The following TMEM45B variants were observed in gnomAD, a reference collection of about 807,000 sequenced individuals.
TMEM45B encodes transmembrane protein 45B.
A neutral mutation model predicts 27.3 loss-of-function variants in TMEM45B; 29 were observed. The observed-to-expected ratio is 1.06, with a 90% confidence interval of 0.79 to 1.45. TMEM45B has a LOEUF of 1.45. Ranked by LOEUF, TMEM45B falls within the 40% of genes most tolerant of loss-of-function variation. The pLI, the probability that TMEM45B is intolerant of heterozygous loss-of-function variation, is 0.00. For synonymous variants in TMEM45B, 143 were observed against 134.7 expected (o/e 1.06, Z -0.43); for missense variants, 348 against 343.9 (o/e 1.01, Z -0.09).
intron 1 of TMEM45B, among the ~76,000 whole-genome samples, chr11:129,818,437 C>T (rs1358223825): frequency 3.9e-5 from 6 of 152,148 alleles, no homozygotes; most frequent in Non-Finnish European, 4.4e-5. Flanking sequence ...CTTTATAGAG[C>T]ACAAGGCGAT....
intron 1 of TMEM45B, among the ~76,000 whole-genome samples, chr11:129,848,732 T>C (rs1054769732): frequency 2.6e-5 from 4 of 152,202 alleles, no homozygotes; most frequent in Non-Finnish European, 4.4e-5. Flanking sequence ...TACAACAAAA[T>C]ACCACAGACT....
chr11:129,818,543 C>T (rs1338599895), intron 1 of TMEM45B, among the ~76,000 whole-genome samples: 4 of 152,202 alleles, frequency 2.6e-5, no homozygotes. Flanking sequence ...CAGGGTTAGC[C>T]AGTAATTAAA....
intron 1 of TMEM45B, among the ~76,000 whole-genome samples, chr11:129,818,921 T>A (rs765266308): frequency 6.6e-6 from 1 of 152,202 alleles, no homozygotes; most frequent in Non-Finnish European, 1.5e-5. Flanking sequence ...AAAAACAATG[T>A]TCAGATTTTT....
intron 1 of TMEM45B, among the ~76,000 whole-genome samples, chr11:129,841,996 A>T (rs1947702141): frequency 1.3e-5 from 2 of 152,234 alleles, no homozygotes; most frequent in African/African-American, 4.8e-5. Context: ...AAACTGTAAA[A>T]AGAATTAAAT....
chr11:129,833,019 AT>A (rs1353500385), intron 1 of TMEM45B, among the ~76,000 whole-genome samples: 1 of 152,040 alleles, frequency 6.6e-6, no homozygotes, highest in Non-Finnish European at 1.5e-5. Flanking sequence ...AGGCAGGCGG[AT>A]CACCTGAGGT....
Position 129,837,585 on chromosome 11 carries a change from C to CTTTTTTTTTTTTTTTTTTTTTTTTT in TMEM45B, c.-8-14875_-8-14874insTTTTTTTTTTTTTTTTTTTTTTTTT, listed in dbSNP as rs200040338. 4.4e-3 allele frequency among the ~76,000 whole-genome samples: 351 copies of CTTTTTTTTTTTTTTTTTTTTTTTTT among 80,218 alleles called. 72 individuals are homozygous for CTTTTTTTTTTTTTTTTTTTTTTTTT. Among genetic ancestry groups the CTTTTTTTTTTTTTTTTTTTTTTTTT allele is most frequent in the East Asian group, 0.014 (30 of 2,172 alleles). 52.6% of individuals were successfully genotyped at this position (80,218 alleles called of 152,430 possible). A position where few individuals can be genotyped will look rare whatever the true frequency, so the allele number is the denominator to read the frequency against. The stretch of plus-strand genomic sequence containing the variant: ...TACAGGCATGAGCCACTGCACTGGG[C>CTTTTTTTTTTTTTTTTTTTTTTTTT]TTTTTTTTTTTTTTTGAGACAGGGT... On this transcript the variant is annotated intron_variant, in intron 1 of 5. Coordinates refer to ENST00000281441, the MANE Select transcript of TMEM45B (RefSeq NM_138788.5).
intron 1 of TMEM45B, among the ~76,000 whole-genome samples, chr11:129,824,747 T>A (rs930693672): frequency 6.6e-6 from 1 of 152,254 alleles, no homozygotes; most frequent in Non-Finnish European, 1.5e-5. Context: ...TGTCACTATA[T>A]AATTTTAATA....
At chr11:129,840,921 C>T (rs939000401) in intron 1 of TMEM45B, among the ~76,000 whole-genome samples, 1 of 92,288 alleles carries the variant, frequency 1.1e-5, no homozygotes, top group African/African-American at 4.3e-5. Flanking sequence ...TATGGCAGCA[C>T]AAAGAGGCAG....
intron 1 of TMEM45B, among the ~76,000 whole-genome samples, chr11:129,825,989 G>GTT (rs1277246593): frequency 3.4e-4 from 50 of 146,912 alleles, no homozygotes; most frequent in East Asian, 3.9e-4. Flanking sequence ...GTTTTTTTTG[G>GTT]TTTTTTTTTT....
At chr11:129,816,936 C>T (rs1320401724) in intron 1 of TMEM45B, among the ~76,000 whole-genome samples, 6 of 149,856 alleles carry the variant, frequency 4.0e-5, no homozygotes, top group Non-Finnish European at 7.4e-5. Flanking sequence ...TTGGTAGAGA[C>T]GGGGTTTCAC....
intron 1 of TMEM45B, among the ~76,000 whole-genome samples, chr11:129,851,900 G>A (rs56212997): frequency 0.17 from 25,162 of 152,082 alleles, 2,213 homozygotes; most frequent in South Asian, 0.28. Flanking sequence ...TTTTCCAGTT[G>A]GGTGAAAAAT....
chr11:129,854,696 C>T lies in TMEM45B; in HGVS notation c.265C>T (p.His89Tyr), dbSNP rs1947896049. The T allele has an allele frequency of 3.1e-6, 5 of 1,614,130 alleles. No homozygotes were observed. In the African/African-American group the frequency reaches 4.0e-5, roughly 13 times the overall value. Residue 89 changes from histidine (H) to tyrosine (Y), a missense_variant, in exon 3 of 6, where the codon CAC (histidine) becomes TAC (tyrosine). Transcript: ENST00000281441. ...CTGGATAAAGTTAATGAATTGGCAG[C>T]ACAGCACCATGTACCTATTCTTTGC... Reference protein sequence around the residue: ...NHWIKLMNWQHSTMYLFFAVS... With the variant: ...NHWIKLMNWQYSTMYLFFAVS...
chr11:129,828,305 T>C (rs1947510602), intron 1 of TMEM45B: 1 of 152,184 alleles, frequency 6.6e-6, no homozygotes, highest in South Asian at 2.1e-4. Context: ...GGTGAAATCG[T>C]GCCAGAACAA....
intron 1 of TMEM45B, among the ~76,000 whole-genome samples, chr11:129,848,439 T>G (rs1591448353): frequency 6.6e-6 from 1 of 151,692 alleles, no homozygotes. Context: ...GGCAGGGAGG[T>G]TGCAGTGAGC....
At chr11:129,819,089 A>G (rs1429669042) in intron 1 of TMEM45B, among the ~76,000 whole-genome samples, 2 of 152,200 alleles carry the variant, frequency 1.3e-5, no homozygotes, top group Non-Finnish European at 1.5e-5. Context: ...AACTGTTATT[A>G]TAACTGTAGC....
chr11:129,852,690 A>C, intron 2 of TMEM45B, 30 bp downstream of exon 2: 1 of 1,574,386 alleles, frequency 6.4e-7, no homozygotes, highest in Non-Finnish European at 8.7e-7. Flanking sequence ...GGTCTAGGGA[A>C]TCTCCTCATC....
intron 2 of TMEM45B, chr11:129,852,960 A>G (rs1947869620): frequency 8.3e-6 from 2 of 242,032 alleles, no homozygotes; most frequent in East Asian, 1.6e-4. Context: ...CACAAATAAA[A>G]AGAGAAAAAA....
chr11:129,852,267 C>T (rs933186608), intron 1 of TMEM45B, among the ~76,000 whole-genome samples: 1 of 152,022 alleles, frequency 6.6e-6, no homozygotes, highest in Non-Finnish European at 1.5e-5. Context: ...TAAAGCATTA[C>T]AGACAGTGGA....
intron 1 of TMEM45B, among the ~76,000 whole-genome samples, chr11:129,823,162 T>G (rs887909130): frequency 6.6e-6 from 1 of 152,200 alleles, no homozygotes. Flanking sequence ...TTCTAATATC[T>G]CTAGAATTTG....
Sources: gnomAD v4.1 joint callset for allele counts (sites outside exome capture counted in the v4.1 genomes callset) on GRCh38, gnomAD v4.1.1 for gene constraint, MANE v1.5 for transcripts, NCBI Gene and HGNC (gene_info 2026-07-23, HGNC 2026-07-21) for gene names.